IMMP2L: variants seen among roughly 807,000 people sequenced by gnomAD.
IMMP2L encodes inner mitochondrial membrane peptidase subunit 2.
IMMP2L carries 18 observed loss-of-function variants against 19.3 expected under a neutral mutation model. The observed-to-expected ratio is 0.93, with a 90% confidence interval of 0.64 to 1.38. The LOEUF is 1.38. IMMP2L is among the 40% of genes most tolerant of loss of function. The pLI is 0.00. For missense variants in IMMP2L, 233 were observed against 218.2 expected (o/e 1.07, Z -0.43); for synonymous variants, 76 against 73.0 (o/e 1.04, Z -0.21).
chr7:111,214,504 GTTTTTTTTTT>G lies in IMMP2L; in HGVS notation c.240-250949_240-250940del, dbSNP rs71151836. ...ATTACAGGCACCTGCCACCAAATCT[GTTTTTTTTTT>G]TTTTTTTTTTTTTAATGTAGTAGAG... On this transcript the variant is annotated intron_variant, in intron 3 of 5. Transcript: ENST00000405709. 9.3e-5 allele frequency among the ~76,000 whole-genome samples: 9 copies of G among 97,024 alleles called. No homozygotes were observed. The East Asian group carries it at 2.9e-3, about 32-fold the overall frequency. The allele number at this position is 97,024 out of a possible 152,430, so 63.7% of individuals were successfully genotyped here.
chr7:110,867,198 G>C (rs1266450782), intron 5 of IMMP2L, among the ~76,000 whole-genome samples: 1 of 151,904 alleles, frequency 6.6e-6, no homozygotes, highest in Non-Finnish European at 1.5e-5. Context: ...GCATGGTTAG[G>C]TTCTGGTGAG....
At chr7:111,036,525 A>C (rs1053827195) in intron 3 of IMMP2L, among the ~76,000 whole-genome samples, 7 of 152,192 alleles carry the variant, frequency 4.6e-5, no homozygotes, top group Non-Finnish European at 8.8e-5. Flanking sequence ...TAGACACTTA[A>C]CTAGATTATA....
chr7:111,187,270 G>A (rs1156985962), intron 3 of IMMP2L, among the ~76,000 whole-genome samples: 2 of 152,074 alleles, frequency 1.3e-5, no homozygotes, highest in Non-Finnish European at 2.9e-5. Flanking sequence ...TGGGTCTCAA[G>A]GAAGCAGAGC....
At chr7:111,538,201 C>T (rs1385245137) in intron 1 of IMMP2L, among the ~76,000 whole-genome samples, 1 of 152,106 alleles carries the variant, frequency 6.6e-6, no homozygotes, top group African/African-American at 2.4e-5. Flanking sequence ...GTGCTTTGCA[C>T]TTAAGTGCTC....
rs80087486 is a variant in IMMP2L at position 110,893,630 on chromosome 7, G to A, written c.306-6935C>T. Among the ~76,000 whole-genome samples the A allele has an allele frequency of 7.9e-3, 1,204 of 152,064 alleles. 16 individuals carry two copies. Among genetic ancestry groups the A allele is most frequent in the African/African-American group, 0.025 (1,050 of 41,476 alleles). ...GTACATGTGCAGGTTTTTTACATGGGTATATTACATGATGCTGAGGTTTGA... is the reference window on the plus strand; with the variant it reads ...GTACATGTGCAGGTTTTTTACATGGATATATTACATGATGCTGAGGTTTGA... On this transcript the variant is annotated intron_variant, in intron 4 of 5. Coordinates refer to ENST00000405709, the MANE Select transcript of IMMP2L (RefSeq NM_032549.4).
chr7:111,144,759 A>G (rs1803288476), intron 3 of IMMP2L, among the ~76,000 whole-genome samples: 1 of 152,126 alleles, frequency 6.6e-6, no homozygotes, highest in Non-Finnish European at 1.5e-5. Context: ...TATTCAATAG[A>G]TGTTTCTTAA....
intron 5 of IMMP2L, among the ~76,000 whole-genome samples, chr7:110,808,929 T>G (rs1213370327): frequency 6.6e-6 from 1 of 152,078 alleles, no homozygotes; most frequent in African/African-American, 2.4e-5. Context: ...ATAAAAAGTT[T>G]AGGTTTCCTC....
At chr7:111,281,230 A>G (rs1158734684) in intron 3 of IMMP2L, among the ~76,000 whole-genome samples, 1 of 132,332 alleles carries the variant, frequency 7.6e-6, no homozygotes, top group Admixed American at 7.5e-5. Context: ...GAAAGAAAGA[A>G]AGAAAGAAAG....
intron 3 of IMMP2L, among the ~76,000 whole-genome samples, chr7:111,046,381 C>T (rs543918666): frequency 1.3e-5 from 2 of 151,746 alleles, no homozygotes; most frequent in Non-Finnish European, 2.9e-5. Flanking sequence ...CAACATATAT[C>T]CAGTAGGTGT....
intron 3 of IMMP2L, among the ~76,000 whole-genome samples, chr7:111,039,518 C>A (rs776143728): frequency 7.9e-5 from 12 of 152,096 alleles, no homozygotes; most frequent in Non-Finnish European, 1.6e-4. Context: ...AAATAAAAAA[C>A]TAAATTTGGC....
intron 3 of IMMP2L, among the ~76,000 whole-genome samples, chr7:111,189,532 C>T (rs1443023181): frequency 6.6e-6 from 1 of 151,872 alleles, no homozygotes; most frequent in Non-Finnish European, 1.5e-5. Flanking sequence ...TATACTCTAA[C>T]TTTCCTATCA....
rs540084420 is a variant in IMMP2L, at chr7:110,944,726, CTT to C, written c.305+18772_305+18773del. Among the ~76,000 whole-genome samples the C allele has an allele frequency of 2.1e-3, 315 of 151,954 alleles. 2 individuals carry two copies. The highest frequency in any genetic ancestry group is 6.7e-3 in the African/African-American group (280 of 41,494). On this transcript the variant is annotated intron_variant, in intron 4 of 5. Coordinates refer to ENST00000405709, the MANE Select transcript of IMMP2L (RefSeq NM_032549.4). ...TGGAAGTGGCAGTCAGAATCTGACA[CTT>C]TATGTTAACTAATTCCAGAGACAGT...
At chr7:110,957,432 G>A (rs1818463386) in intron 4 of IMMP2L, among the ~76,000 whole-genome samples, 2 of 152,022 alleles carry the variant, frequency 1.3e-5, no homozygotes, top group South Asian at 4.1e-4. Flanking sequence ...ATTTTCTCAA[G>A]AGAAAAACAC....
chr7:110,783,741 C>T (rs569997106), intron 5 of IMMP2L, among the ~76,000 whole-genome samples: 31 of 151,748 alleles, frequency 2.0e-4, no homozygotes, highest in Non-Finnish European at 4.0e-4. Context: ...AGGAAAAATA[C>T]ATAGAAGTTT....
At chr7:110,669,593 C>T (rs1206616720) in intron 5 of IMMP2L, among the ~76,000 whole-genome samples, 1 of 152,198 alleles carries the variant, frequency 6.6e-6, no homozygotes, top group Non-Finnish European at 1.5e-5. Flanking sequence ...CAGTGTTACA[C>T]TCAGTGCTTA....
At chr7:111,103,293 C>T (rs1466265207) in intron 3 of IMMP2L, among the ~76,000 whole-genome samples, 7 of 151,558 alleles carry the variant, frequency 4.6e-5, no homozygotes, top group Admixed American at 2.0e-4. Context: ...CAAGCATACA[C>T]GTATACATTT....
intron 3 of IMMP2L, among the ~76,000 whole-genome samples, chr7:111,277,794 T>C (rs1236275681): frequency 2.0e-5 from 3 of 152,148 alleles, no homozygotes; most frequent in East Asian, 3.9e-4. Flanking sequence ...GTGTGTTTAT[T>C]GCAGCACTAT....
At chr7:111,216,949 C>G (rs1188276833) in intron 3 of IMMP2L, among the ~76,000 whole-genome samples, 3 of 152,020 alleles carry the variant, frequency 2.0e-5, no homozygotes, top group African/African-American at 7.2e-5. Context: ...CAAATGCATG[C>G]AAGTGATTTT....
At chr7:111,200,903 T>C (rs1586801873) in intron 3 of IMMP2L, among the ~76,000 whole-genome samples, 2 of 152,184 alleles carry the variant, frequency 1.3e-5, no homozygotes, top group African/African-American at 2.4e-5. Context: ...ACTAATATTG[T>C]CATTGTTGCT....
Sources: allele counts gnomAD v4.1 joint callset (sites outside exome capture counted in the v4.1 genomes callset), GRCh38; gene constraint gnomAD v4.1.1; transcripts MANE v1.5; gene names NCBI Gene and HGNC (gene_info 2026-07-23, HGNC 2026-07-21).